FGL1: variants seen among roughly 807,000 people sequenced by gnomAD.
FGL1 encodes the protein fibrinogen-like protein 1.
In FGL1, 59 loss-of-function variants were observed where a neutral mutation model predicts 43.7. The ratio of observed to expected loss-of-function variants is 1.35; its 90% CI spans 1.10 to 1.68. The LOEUF (loss-of-function observed/expected upper bound fraction) is 1.68. Among genes scored for constraint, FGL1 ranks in the 40% most tolerant of loss-of-function variants. FGL1 has a pLI of 0.00. For missense variants in FGL1, 596 were observed against 373.0 expected, an observed-to-expected ratio of 1.60 and a Z score of -4.92; for synonymous variants, 192 against 126.5, an observed-to-expected ratio of 1.52 and a Z score of -3.48.
intron 1 of FGL1, among the ~76,000 whole-genome samples, chr8:17,892,459 T>G (rs894324130): frequency 4.3e-4 from 66 of 151,938 alleles, no homozygotes; most frequent in African/African-American, 1.5e-3. Context: ...TCATCAACAC[T>G]AGAGGCTCAG....
chr8:17,874,604 C>G, intron 3 of FGL1, 83 bp from the exon 4 acceptor site: 3 of 1,042,422 alleles, frequency 2.9e-6, no homozygotes, highest in Non-Finnish European at 4.2e-6. Flanking sequence ...TGAGACTACT[C>G]AGTATCACTG....
At chr8:17,875,916 GTCTGT>G (rs1358807796) in intron 3 of FGL1, among the ~76,000 whole-genome samples, 1 of 152,130 alleles carries the variant, frequency 6.6e-6, no homozygotes, top group Non-Finnish European at 1.5e-5. Flanking sequence ...AAATGGTGAT[GTCTGT>G]TCCTTAAGCC....
At chr8:17,886,733 G>C (rs1226321249) in intron 1 of FGL1, among the ~76,000 whole-genome samples, 1 of 152,072 alleles carries the variant, frequency 6.6e-6, no homozygotes, top group Non-Finnish European at 1.5e-5. Flanking sequence ...ACTCCAGCCT[G>C]GGTGACAGAG....
intron 3 of FGL1, among the ~76,000 whole-genome samples, chr8:17,879,871 G>T (rs1486332072): frequency 2.0e-5 from 3 of 152,138 alleles, no homozygotes; most frequent in African/African-American, 4.8e-5. Flanking sequence ...CCCCTGCCAT[G>T]ATTGACCCTT....
rs1563458386 is a variant in FGL1 at position 17,883,306 on chromosome 8, T to TAAATAATATATATCATATATAATATATC, written c.64-1128_64-1127insGATATATTATATATGATATATATTATTT. On this transcript the variant is annotated intron_variant, in intron 2 of 7. Coordinates refer to ENST00000427924, the MANE Select transcript of FGL1 (RefSeq NM_004467.4). ...ATCATATATATCATATATAATATAT[T>TAAATAATATATATCATATATAATATATC]AAATAACATATAATAATATATAATA... Among the ~76,000 whole-genome samples the TAAATAATATATATCATATATAATATATC allele has an allele frequency of 1.8e-3, 17 of 9,230 alleles. 7 individuals carry two copies. Among genetic ancestry groups the TAAATAATATATATCATATATAATATATC allele is most frequent in the African/African-American group, 4.6e-3 (17 of 3,674 alleles). The allele number at this position is 9,230 out of a possible 152,430, so 6.1% of individuals were successfully genotyped here. A position where few individuals can be genotyped will look rare whatever the true frequency, so the allele number is the denominator to read the frequency against.
At chr8:17,865,468 T>A (rs898579199) in intron 7 of FGL1, among the ~76,000 whole-genome samples, 4 of 152,202 alleles carry the variant, frequency 2.6e-5, no homozygotes, top group Non-Finnish European at 4.4e-5. Context: ...TATTTCAATC[T>A]CAAGGGTAAG....
intron 3 of FGL1, among the ~76,000 whole-genome samples, chr8:17,875,551 TTCTTTCTTTCTTTCTTTC>T (rs2053440606): frequency 6.0e-5 from 1 of 16,720 alleles, no homozygotes; most frequent in South Asian, 1.5e-3. Flanking sequence ...CTTTCTTTCT[TTCTTTCTTTCTTTCTTTC>T]TTTCTTTCTT....
chr8:17,882,431 G>A (rs1481570493), intron 2 of FGL1: 2 of 330,994 alleles, frequency 6.0e-6, no homozygotes, highest in Non-Finnish European at 1.1e-5. Context: ...GCTATGCTAG[G>A]AGCTTTATAG....
chr8:17,865,803 T>C (rs919913261), intron 7 of FGL1, among the ~76,000 whole-genome samples: 2 of 152,200 alleles, frequency 1.3e-5, no homozygotes, highest in Non-Finnish European at 2.9e-5. Context: ...GTTCTGAACA[T>C]CTATGGAAAA....
At chr8:17,884,208 T>C (rs2053595033) in intron 2 of FGL1, among the ~76,000 whole-genome samples, 1 of 151,690 alleles carries the variant, frequency 6.6e-6, no homozygotes, top group African/African-American at 2.4e-5. Flanking sequence ...TCTCTCTTTC[T>C]TTCAACAGAG....
intron 3 of FGL1, among the ~76,000 whole-genome samples, chr8:17,880,212 T>C (rs2053514502): frequency 2.6e-5 from 4 of 152,056 alleles, no homozygotes; most frequent in Admixed American, 1.3e-4. Flanking sequence ...GGGAGGGCAG[T>C]TGGATCAAGA....
chr8:17,883,549 C>T (rs2053582253), intron 2 of FGL1, among the ~76,000 whole-genome samples: 1 of 131,888 alleles, frequency 7.6e-6, no homozygotes, highest in Non-Finnish European at 1.6e-5. Flanking sequence ...ATATTATAGT[C>T]TACTTTATAT....
chr8:17,868,233 C>T (rs1020740454), intron 7 of FGL1: 1 of 180,536 alleles, frequency 5.5e-6, no homozygotes, highest in African/African-American at 2.3e-5. Context: ...CAAATAGTCT[C>T]CATATATATA....
intron 3 of FGL1, among the ~76,000 whole-genome samples, chr8:17,876,412 C>T (rs1563453064): frequency 6.6e-6 from 1 of 152,010 alleles, no homozygotes; most frequent in Non-Finnish European, 1.5e-5. Context: ...TGGTTGGGAC[C>T]AACCATATAC....
intron 3 of FGL1, 51 bp from the exon 4 acceptor site, chr8:17,874,572 C>G: frequency 6.7e-7 from 1 of 1,487,944 alleles, no homozygotes; most frequent in Non-Finnish European, 9.2e-7. Flanking sequence ...TTTTTCTCCC[C>G]CCGCCTTAGG....
chr8:17,871,887 G>A (rs1184572766), intron 5 of FGL1, among the ~76,000 whole-genome samples: 1 of 152,204 alleles, frequency 6.6e-6, no homozygotes, highest in Non-Finnish European at 1.5e-5. Context: ...GGGAAAATAT[G>A]TACATCATAA....
rs3213604 is a variant in FGL1 at position 17,868,907 on chromosome 8, T to A, written c.591+9A>T. 0.048 allele frequency: 76,313 copies of A among 1,579,608 alleles called. 1,852 individuals carry two copies. The highest frequency in any genetic ancestry group is 0.073 in the East Asian group (3,238 of 44,550). Reference sequence around the variant, plus strand: ...ATTCACGGTTTTACTTCTTAGAAAATTGTAGTACCTTTTCATCTCCAACTT... The same window carrying A: ...ATTCACGGTTTTACTTCTTAGAAAAATGTAGTACCTTTTCATCTCCAACTT... On this transcript the variant is annotated intron_variant, in intron 6 of 7. Coordinates refer to ENST00000427924, the MANE Select transcript of FGL1 (RefSeq NM_004467.4).
In FGL1 at chr8:17,882,139, G is replaced by C. The variant is rs374815489; in HGVS notation, c.104C>G (p.Ala35Gly). 7 of 1,613,800 alleles carry C rather than the reference G, an allele frequency of 4.3e-6. No homozygotes were observed. Among genetic ancestry groups the C allele is most frequent in the Non-Finnish European group, 5.9e-6 (7 of 1,179,992 alleles). ...CCGGGTCTCAAGCAGGCGCACCTGG[G>C]CTCTGAGCCGCATCTGCTCCTGGGC... ...DCAQEQMRLR[A>G]QVRLLETRVK... Residue 35 changes from alanine (A) to glycine (G), a missense_variant, in exon 3 of 8, where the codon GCC becomes GGC. Physicochemically the swap from Ala to Gly is moderately conservative, Grantham distance 60. Coordinates refer to ENST00000427924, the MANE Select transcript of FGL1 (RefSeq NM_004467.4).
intron 4 of FGL1, 24 bp from the exon 5 acceptor site, chr8:17,874,140 G>T (rs377713527): frequency 6.3e-7 from 1 of 1,581,866 alleles, no homozygotes; most frequent in Non-Finnish European, 8.7e-7. Flanking sequence ...AGTGGAAGCC[G>T]ATTAGAGCAA....
Sources: gnomAD v4.1 joint callset for allele counts (sites outside exome capture counted in the v4.1 genomes callset) on GRCh38, gnomAD v4.1.1 for gene constraint, MANE v1.5 for transcripts, NCBI Gene and HGNC (gene_info 2026-07-23, HGNC 2026-07-21) for gene names.